Variants in PTPRR observed in about 807,000 individuals in gnomAD.
The protein encoded by PTPRR is protein tyrosine phosphatase receptor type R, also known as receptor-type tyrosine-protein phosphatase R.
A neutral mutation model predicts 77.2 loss-of-function variants in PTPRR; 38 were observed. The observed-to-expected ratio is 0.49, with a 90% CI of 0.38 to 0.65. PTPRR has a LOEUF of 0.65. Ranked by LOEUF, PTPRR falls within the 30% of genes least tolerant of loss-of-function variation. The pLI, the probability that PTPRR is intolerant of heterozygous loss-of-function variation, is 0.00. For synonymous variants in PTPRR, 299 were observed against 283.1 expected (o/e 1.06, Z -0.57); for missense variants, 744 against 799.2 (o/e 0.93, Z 0.83).
At chr12:70,777,743 T>A (rs958626827) in intron 2 of PTPRR, among the ~76,000 whole-genome samples, 2 of 152,152 alleles carry the variant, frequency 1.3e-5, no homozygotes, top group Non-Finnish European at 2.9e-5. Flanking sequence ...TAAAACTGCA[T>A]TAAAAATGGT....
At chr12:70,830,149 G>A (rs1264802615) in intron 2 of PTPRR, among the ~76,000 whole-genome samples, 1 of 152,100 alleles carries the variant, frequency 6.6e-6, no homozygotes, top group Non-Finnish European at 1.5e-5. Context: ...TTAGGGCCTG[G>A]GGTAGAAATA....
At chr12:70,886,258 C>T (rs1242522367) in intron 2 of PTPRR, among the ~76,000 whole-genome samples, 1 of 152,170 alleles carries the variant, frequency 6.6e-6, no homozygotes, top group Non-Finnish European at 1.5e-5. Context: ...TGCAAGGATA[C>T]AGTAATAGCT....
At chr12:70,769,792 G>T (rs1053582217) in intron 2 of PTPRR, among the ~76,000 whole-genome samples, 4 of 151,926 alleles carry the variant, frequency 2.6e-5, no homozygotes, top group African/African-American at 9.7e-5. Flanking sequence ...AAACAGCATG[G>T]TACTGGTACC....
intron 1 of PTPRR, among the ~76,000 whole-genome samples, chr12:70,910,801 G>A (rs1483234907): frequency 6.6e-6 from 1 of 152,172 alleles, no homozygotes; most frequent in Non-Finnish European, 1.5e-5. Flanking sequence ...GGCTTGTGAG[G>A]ACTCATGTGA....
chr12:70,853,067 C>T (rs1243304126), intron 2 of PTPRR, among the ~76,000 whole-genome samples: 4 of 152,200 alleles, frequency 2.6e-5, no homozygotes, highest in Non-Finnish European at 4.4e-5. Flanking sequence ...TCACTACAAT[C>T]CTCTGAGGCA....
intron 2 of PTPRR, among the ~76,000 whole-genome samples, chr12:70,790,141 C>T (rs1264674423): frequency 1.3e-5 from 2 of 152,102 alleles, no homozygotes; most frequent in Non-Finnish European, 2.9e-5. Context: ...AAAACAAAAG[C>T]TGAACAAATC....
At chr12:70,690,461 A>T (rs1888017248) in intron 8 of PTPRR, among the ~76,000 whole-genome samples, 1 of 152,222 alleles carries the variant, frequency 6.6e-6, no homozygotes, top group African/African-American at 2.4e-5. Flanking sequence ...ATCTATAAAA[A>T]ATAACGTTTT....
intron 6 of PTPRR, among the ~76,000 whole-genome samples, chr12:70,722,478 A>G (rs888897360): frequency 1.3e-5 from 2 of 152,156 alleles, no homozygotes; most frequent in Admixed American, 6.5e-5. Context: ...AACAGTTTGT[A>G]ATTTTTCTTT....
intron 2 of PTPRR, among the ~76,000 whole-genome samples, chr12:70,861,076 C>A (rs79808141): frequency 6.6e-6 from 1 of 152,138 alleles, no homozygotes; most frequent in Admixed American, 6.5e-5. Context: ...GTGCTTAGAA[C>A]GTAAAAATGC....
chr12:70,733,802 A>C (rs1055844121), intron 6 of PTPRR, among the ~76,000 whole-genome samples: 9 of 152,236 alleles, frequency 5.9e-5, no homozygotes, highest in African/African-American at 2.2e-4. Context: ...GTTGAAAAAT[A>C]ATTGTGTTCA....
chr12:70,873,372 AG>A (rs1348641286), intron 2 of PTPRR, among the ~76,000 whole-genome samples: 1 of 152,198 alleles, frequency 6.6e-6, no homozygotes, highest in Non-Finnish European at 1.5e-5. Context: ...GAAGGTGCCT[AG>A]GGATTTTATT....
At chr12:70,704,046 A>G (rs1485014229) in intron 6 of PTPRR, among the ~76,000 whole-genome samples, 4 of 152,162 alleles carry the variant, frequency 2.6e-5, no homozygotes, top group African/African-American at 9.7e-5. Flanking sequence ...TTGTATAAAA[A>G]TGTATTTTGA....
chr12:70,776,140 T>A (rs931503877), intron 2 of PTPRR, among the ~76,000 whole-genome samples: 1 of 152,136 alleles, frequency 6.6e-6, no homozygotes, highest in African/African-American at 2.4e-5. Context: ...ACAATCAAAT[T>A]TGCTTCTCTT....
At chr12:70,719,287 C>G (rs562102450) in intron 6 of PTPRR, among the ~76,000 whole-genome samples, 1 of 152,144 alleles carries the variant, frequency 6.6e-6, no homozygotes, top group Admixed American at 6.5e-5. Flanking sequence ...ACTGCCAATT[C>G]GCTCCTAGGC....
In PTPRR at chr12:70,638,889, G is replaced by A. The variant is rs993367895; in HGVS notation, c.*295C>T. The A allele has an allele frequency of 3.0e-6, 1 of 332,230 alleles. No individual in the cohort carries two copies. Among genetic ancestry groups the A allele is most frequent in the Middle Eastern group, 8.7e-4 (1 of 1,150 alleles). The allele number at this position is 332,230 out of a possible 1,614,324, so 20.6% of individuals were successfully genotyped here. ...AATATTACATACATACATTCTGTGT[G>A]GCAGATAGAGTCAGTACAGACAAAA... On this transcript the variant is annotated 3_prime_UTR_variant, in exon 14 of 14. Transcript: ENST00000283228.
intron 10 of PTPRR, chr12:70,672,977 C>A: frequency 7.5e-7 from 1 of 1,331,966 alleles, no homozygotes; most frequent in Non-Finnish European, 9.8e-7. Flanking sequence ...GCCTCCTCTT[C>A]TAGGTAGAAG....
At chr12:70,705,613 G>C (rs1888591320) in intron 6 of PTPRR, among the ~76,000 whole-genome samples, 1 of 151,982 alleles carries the variant, frequency 6.6e-6, no homozygotes, top group Admixed American at 6.6e-5. Context: ...GGGAAATGGT[G>C]GCAGCTGCTT....
intron 6 of PTPRR, among the ~76,000 whole-genome samples, chr12:70,719,450 T>C (rs1208249172): frequency 6.6e-6 from 1 of 151,820 alleles, no homozygotes; most frequent in South Asian, 2.1e-4. Context: ...CAAATCCTAA[T>C]GGAACTCCTT....
intron 2 of PTPRR, among the ~76,000 whole-genome samples, chr12:70,811,498 T>G (rs1383888297): frequency 1.3e-5 from 2 of 152,200 alleles, no homozygotes; most frequent in Admixed American, 6.5e-5. Context: ...AATAAATGCT[T>G]CTAAGTGAAC....
Sources: allele counts gnomAD v4.1 joint callset (sites outside exome capture counted in the v4.1 genomes callset), GRCh38; gene constraint gnomAD v4.1.1; transcripts MANE v1.5; gene names NCBI Gene and HGNC (gene_info 2026-07-23, HGNC 2026-07-21).